ZSCAN22: variants seen among roughly 807,000 people sequenced by gnomAD.
The protein encoded by ZSCAN22 is zinc finger and SCAN domain containing 22.
In ZSCAN22, 7 loss-of-function variants were observed where a neutral mutation model predicts 12.4. That is an observed-to-expected ratio of 0.57 (90% confidence interval 0.32 to 1.06). The LOEUF is 1.06. ZSCAN22 is among the 50% of genes least tolerant of loss of function. The pLI is 0.04. For synonymous variants in ZSCAN22, 243 were observed against 255.9 expected (o/e 0.95, Z 0.48); for missense variants, 576 against 631.7 (o/e 0.91, Z 0.94).
Position 58,338,974 on chromosome 19 carries a change from C to G in ZSCAN22, c.1124C>G (p.Thr375Arg). The change falls in exon 3 of 3, where the codon ACG becomes AGG. Residue 375 changes from threonine to arginine, a missense_variant. Physicochemically the swap from Thr to Arg is moderately conservative, Grantham distance 71 (BLOSUM62 -1). Coordinates refer to ENST00000329665, the MANE Select transcript of ZSCAN22 (RefSeq NM_181846.3). This position sits in a 1 kb window ranked among gnomAD's most constrained non-coding sequence, Gnocchi z 5.4. Reference protein sequence around the residue: ...THLTQHQRVHTGERPYECDAC... With the variant: ...THLTQHQRVHRGERPYECDAC... The stretch of plus-strand genomic sequence containing the variant: ...CTCACCCAGCACCAGCGGGTGCACA[C>G]GGGGGAGCGGCCCTACGAGTGTGAC... The G allele has an allele frequency of 1.2e-5, 19 of 1,613,204 alleles. No individual in the cohort carries two copies. Among genetic ancestry groups the G allele is most frequent in the Non-Finnish European group, 1.6e-5 (19 of 1,179,412 alleles).
intron 1 of ZSCAN22, among the ~76,000 whole-genome samples, chr19:58,333,653 C>T (rs1367440220): frequency 2.6e-5 from 4 of 152,238 alleles, no homozygotes; most frequent in East Asian, 1.9e-4. Flanking sequence ...AGACCAGCCC[C>T]GCCAACATGG....
At chr19:58,336,856 G>A (rs910292722) in intron 2 of ZSCAN22, among the ~76,000 whole-genome samples, 5 of 152,212 alleles carry the variant, frequency 3.3e-5, no homozygotes, top group Admixed American at 6.5e-5. Flanking sequence ...CAGATGGGGA[G>A]ACTGAGTCCC....
intron 2 of ZSCAN22, among the ~76,000 whole-genome samples, chr19:58,337,320 G>A (rs1041850494): frequency 4.2e-5 from 6 of 143,336 alleles, no homozygotes; most frequent in Admixed American, 1.4e-4. Context: ...GGACAGAACC[G>A]CAACCTCACA....
Position 58,338,260 on chromosome 19 carries a change from A to G in ZSCAN22, c.410A>G (p.Asp137Gly), listed in dbSNP as rs746370556. ...GTGGTTCGGACTGTTTCAGGATGGG[A>G]TCCAGGAGCCGAGCCCACAGAGGCA... Reference protein sequence around the residue: ...LTQVLDKRGWDPGAEPTEASC... With the variant: ...LTQVLDKRGWGPGAEPTEASC... Residue 137 changes from aspartate (D) to glycine (G), a missense_variant, in exon 3 of 3, where the codon GAT becomes GGT. Asp to Gly is a moderately conservative substitution (Grantham distance 94). Coordinates refer to ENST00000329665, the MANE Select transcript of ZSCAN22 (RefSeq NM_181846.3). This position sits in a 1 kb window ranked among gnomAD's most constrained non-coding sequence, Gnocchi z 5.4. 4.4e-6 allele frequency: 7 copies of G among 1,598,264 alleles called. No homozygotes were observed. Among genetic ancestry groups the G allele is most frequent in the Non-Finnish European group, 5.1e-6 (6 of 1,168,642 alleles).
In ZSCAN22 at chr19:58,339,446, T is replaced by C; in HGVS notation, c.*120T>C. 1 of 964,196 alleles carries C rather than the reference T, an allele frequency of 1.0e-6. No homozygotes were observed. Among genetic ancestry groups the C allele is most frequent in the South Asian group, 1.7e-5 (1 of 57,384 alleles). The allele number at this position is 964,196 out of a possible 1,614,324, so 59.7% of individuals were successfully genotyped here. A position where few individuals can be genotyped will look rare whatever the true frequency, so the allele number is the denominator to read the frequency against. ...GGTGATTGATGAGTTGTCAAAATGATAGGTGCCTGAGGGCAGACTCGGGCT... is the reference window on the plus strand; with the variant it reads ...GGTGATTGATGAGTTGTCAAAATGACAGGTGCCTGAGGGCAGACTCGGGCT... On this transcript the variant is annotated 3_prime_UTR_variant, in exon 3 of 3. Transcript: ENST00000329665. The surrounding 1 kb of genome is among the most constrained non-coding windows in gnomAD (Gnocchi z 5.6).
At chr19:58,328,674 A>G (rs2051685440) in intron 1 of ZSCAN22, among the ~76,000 whole-genome samples, 1 of 152,136 alleles carries the variant, frequency 6.6e-6, no homozygotes, top group South Asian at 2.1e-4. Flanking sequence ...AGGCTGAGGA[A>G]GTTTCACATA....
chr19:58,328,653 G>A (rs2051685230), intron 1 of ZSCAN22, among the ~76,000 whole-genome samples: 1 of 152,172 alleles, frequency 6.6e-6, no homozygotes, highest in Non-Finnish European at 1.5e-5. Flanking sequence ...AGGAGTTGAG[G>A]TTGGCTGAGG....
rs1316436429 is a variant in ZSCAN22 at position 58,335,764 on chromosome 19, G to A, written c.403+559G>A. ...CTGGGTGCCTGGGGTGGCTGTTGGG[G>A]GTGACGGAAATACCAGATGTCCCTG... On this transcript the variant is annotated intron_variant, in intron 2 of 2. Transcript: ENST00000329665. This position sits in a 1 kb window ranked among gnomAD's most constrained non-coding sequence, Gnocchi z 4.1. 6.6e-6 allele frequency among the ~76,000 whole-genome samples: 1 copy of A among 152,226 alleles called. No homozygotes were observed. The highest frequency in any genetic ancestry group is 1.5e-5 in the Non-Finnish European group (1 of 68,040).
At chr19:58,327,975 C>T (rs576862245) in intron 1 of ZSCAN22, among the ~76,000 whole-genome samples, 2 of 152,262 alleles carry the variant, frequency 1.3e-5, no homozygotes, top group South Asian at 2.1e-4. Flanking sequence ...GTCAGCCTCC[C>T]GAGTAGCTGG....
Position 58,338,757 on chromosome 19 carries a change from A to G in ZSCAN22, c.907A>G (p.Lys303Glu). The change falls in exon 3 of 3, where the codon AAA becomes GAA. Residue 303 changes from lysine (K) to glutamate (E), a missense_variant. By Grantham distance (56) the Lys-to-Glu change is moderately conservative (BLOSUM62 1). Coordinates refer to ENST00000329665, the MANE Select transcript of ZSCAN22 (RefSeq NM_181846.3). This position sits in a 1 kb window ranked among gnomAD's most constrained non-coding sequence, Gnocchi z 5.4. Reference protein sequence around the residue: ...KTPYACSECGKAFSRSTHLAQ... With the variant: ...KTPYACSECGEAFSRSTHLAQ... ...CCCATATGCCTGCAGCGAGTGTGGG[A>G]AAGCCTTCAGCCGGAGCACTCACCT... 6.2e-7 allele frequency: 1 copy of G among 1,614,232 alleles called. No homozygotes were observed. Among genetic ancestry groups the G allele is most frequent in the African/African-American group, 1.3e-5 (1 of 75,062 alleles).
At chr19:58,336,858 C>G (rs944391360) in intron 2 of ZSCAN22, among the ~76,000 whole-genome samples, 3 of 152,200 alleles carry the variant, frequency 2.0e-5, no homozygotes, top group Non-Finnish European at 2.9e-5. Context: ...GATGGGGAGA[C>G]TGAGTCCCAG....
At chr19:58,334,537 G>GT (rs1332042634) in intron 1 of ZSCAN22, among the ~76,000 whole-genome samples, 17 of 152,200 alleles carry the variant, frequency 1.1e-4, no homozygotes, top group African/African-American at 3.9e-4. Context: ...CCAGGATGGT[G>GT]TTTGTTGTAA....
intron 1 of ZSCAN22, 144 bp downstream of exon 1, chr19:58,327,258 G>A (rs2051662938): frequency 6.6e-6 from 1 of 152,590 alleles, no homozygotes; most frequent in African/African-American, 2.4e-5. Context: ...TAGGGGACGT[G>A]AGTAGACGGA....
rs1438613402 is a variant in ZSCAN22, at chr19:58,338,946, C to T, written c.1096C>T (p.His366Tyr). The T allele has an allele frequency of 1.9e-6, 3 of 1,613,984 alleles. No homozygotes were observed. The highest frequency in any genetic ancestry group is 1.1e-5 in the South Asian group (1 of 91,070). The change falls in exon 3 of 3, where the codon CAC (histidine) becomes TAC (tyrosine). Residue 366 changes from histidine (H) to tyrosine (Y), a missense_variant. Transcript: ENST00000329665. The surrounding 1 kb of genome is among the most constrained non-coding windows in gnomAD (Gnocchi z 5.4). ...ECGKTFSRST[H>Y]LTQHQRVHTG... ...TGGTAAAACCTTCAGCCGCAGCACT[C>T]ACCTCACCCAGCACCAGCGGGTGCA...
At chr19:58,332,683 A>T (rs550805133) in intron 1 of ZSCAN22, among the ~76,000 whole-genome samples, 14 of 152,214 alleles carry the variant, frequency 9.2e-5, no homozygotes, top group Non-Finnish European at 2.1e-4. Flanking sequence ...TTATAGGTAT[A>T]TACAGCATTT....
Position 58,342,130 on chromosome 19 carries a change from CAG to C in ZSCAN22, c.*2807_*2808del, listed in dbSNP as rs913163141. The C allele has an allele frequency of 6.6e-6, 1 of 152,250 alleles. No individual in the cohort carries two copies. The highest frequency in any genetic ancestry group is 2.4e-5 in the African/African-American group (1 of 41,456). The allele number at this position is 152,250 out of a possible 1,614,324, so 9.4% of individuals were successfully genotyped here. On this transcript the variant is annotated 3_prime_UTR_variant, in exon 3 of 3. Transcript: ENST00000329665. ...TGAGGGAGAAAAAAGGGAATCTACT[CAG>C]AGCCTGTGTGTGCTGCCCAGTCTAC...
chr19:58,334,838 G>T lies in ZSCAN22; in HGVS notation c.36G>T (p.Pro12=). ...CCAAGCACTCCCTGAGCCCAGTGCC[G>T]TGGGAAGAGGACAGCTTCCTTCAAG... ...AIPKHSLSPV[P]WEEDSFLQVK... Residue 12 remains proline, a synonymous_variant, in exon 2 of 3, where the codon CCG becomes CCT. Transcript: ENST00000329665. The T allele has an allele frequency of 6.2e-7, 1 of 1,612,512 alleles. No homozygotes were observed. The highest frequency in any genetic ancestry group is 8.5e-7 in the Non-Finnish European group (1 of 1,179,224).
At position 58,338,114 on chromosome 19, in the gene ZSCAN22, G is replaced by C; in HGVS notation, c.404-140G>C. The C allele has an allele frequency of 1.4e-6, 1 of 738,032 alleles. No individual in the cohort carries two copies. The highest frequency in any genetic ancestry group is 2.7e-5 in the East Asian group (1 of 36,790). 45.7% of individuals were successfully genotyped at this position (738,032 alleles called of 1,614,324 possible). A position where few individuals can be genotyped will look rare whatever the true frequency, so the allele number is the denominator to read the frequency against. ...CCCTTTGTCATCCAAGACACCAAATGAGAAACTTCCCCTTGGAACTGGGGC... is the reference window on the plus strand; with the variant it reads ...CCCTTTGTCATCCAAGACACCAAATCAGAAACTTCCCCTTGGAACTGGGGC... On this transcript the variant is annotated intron_variant, in intron 2 of 2. Transcript: ENST00000329665. This position sits in a 1 kb window ranked among gnomAD's most constrained non-coding sequence, Gnocchi z 5.4.
Position 58,338,991 on chromosome 19 carries a change from G to T in ZSCAN22, c.1141G>T (p.Glu381Ter). 1 of 1,613,240 alleles carries T rather than the reference G, an allele frequency of 6.2e-7. No individual in the cohort carries two copies. The highest frequency in any genetic ancestry group is 8.5e-7 in the Non-Finnish European group (1 of 1,179,470). Residue 381 changes from glutamate to a stop codon, truncating the protein, a stop_gained, in exon 3 of 3, where the codon GAG (glutamate) becomes TAG (stop). Coordinates refer to ENST00000329665, the MANE Select transcript of ZSCAN22 (RefSeq NM_181846.3). LOFTEE classifies it low-confidence loss of function (END_TRUNC). The surrounding 1 kb of genome is among the most constrained non-coding windows in gnomAD (Gnocchi z 5.4). ...QRVHTGERPYECDACGKAFSQ... is the reference protein window; with the variant it reads ...QRVHTGERPY The stretch of plus-strand genomic sequence containing the variant: ...GGTGCACACGGGGGAGCGGCCCTAC[G>T]AGTGTGACGCGTGTGGGAAAGCCTT...
Sources: gnomAD v4.1 joint callset for allele counts (sites outside exome capture counted in the v4.1 genomes callset) on GRCh38, gnomAD v4.1.1 for gene constraint, Gnocchi (gnomAD v3.1) non-coding constraint, MANE v1.5 for transcripts, NCBI Gene and HGNC (gene_info 2026-07-23, HGNC 2026-07-21) for gene names.